Variants in ACYP2 observed in about 807,000 individuals in gnomAD.
ACYP2 encodes the protein acylphosphatase-2.
ACYP2 carries 12 observed loss-of-function variants against 11.2 expected under a neutral mutation model. The ratio of observed to expected loss-of-function variants is 1.08; its 90% CI spans 0.69 to 1.74. The LOEUF is 1.74. ACYP2 is among the 40% of genes most tolerant of loss of function. ACYP2 has a pLI of 0.00. For missense variants in ACYP2, 134 were observed against 101.9 expected (o/e 1.31, Z -1.35); for synonymous variants, 43 against 32.2 (o/e 1.33, Z -1.13).
chr2:54,255,705 G>A lies in ACYP2; in HGVS notation c.405-48983G>A, dbSNP rs61742696. The stretch of plus-strand genomic sequence containing the variant: ...ACATGGCACACTCCTCAGGCTTCAC[G>A]TCCTCGGCCTTCCCCTCTGCAATCA... On this transcript the variant is annotated intron_variant, in intron 6 of 6. Coordinates refer to ENST00000607452, the MANE Select transcript of ACYP2 (RefSeq NM_001320586.2). 2,389 of 1,613,818 alleles carry A rather than the reference G, an allele frequency of 1.5e-3. 30 individuals carry two copies. The African/African-American group carries it at 0.028, about 19-fold the overall frequency.
At chr2:54,063,079 A>G (rs1428115309) in intron 4 of ACYP2, among the ~76,000 whole-genome samples, 3 of 152,060 alleles carry the variant, frequency 2.0e-5, no homozygotes, top group East Asian at 1.9e-4. Flanking sequence ...GATAGACTCA[A>G]TCTCTGACCT....
chr2:54,167,080 C>G lies in ACYP2; in HGVS notation c.404+28332C>G, dbSNP rs558946122. 27 of 151,882 alleles carry G rather than the reference C, an allele frequency of 1.8e-4. No homozygotes were observed. In the Middle Eastern group the frequency reaches 0.014, roughly 77 times the overall value. 9.4% of individuals were successfully genotyped at this position (151,882 alleles called of 1,614,324 possible). On this transcript the variant is annotated intron_variant, in intron 6 of 6. Coordinates refer to ENST00000607452, the MANE Select transcript of ACYP2 (RefSeq NM_001320586.2). ...AAAGCTACTGGTAATCCATAGGACCCTTCCTCATGACGGCATCTATCGACC... is the reference window on the plus strand; with the variant it reads ...AAAGCTACTGGTAATCCATAGGACCGTTCCTCATGACGGCATCTATCGACC...
rs528067598 is a variant in ACYP2, at chr2:54,185,968, T to C, written c.404+47220T>C. On this transcript the variant is annotated intron_variant, in intron 6 of 6. Coordinates refer to ENST00000607452, the MANE Select transcript of ACYP2 (RefSeq NM_001320586.2). Reference sequence around the variant, plus strand: ...AAATATATGTATTATAAATATAATATTAAATATTTGAAATATAAAACACTG... The same window carrying C: ...AAATATATGTATTATAAATATAATACTAAATATTTGAAATATAAAACACTG... Among the ~76,000 whole-genome samples the C allele has an allele frequency of 1.9e-4, 29 of 151,776 alleles. No individual in the cohort carries two copies. The East Asian group carries it at 5.6e-3, about 29-fold the overall frequency.
intron 6 of ACYP2, among the ~76,000 whole-genome samples, chr2:54,168,137 TGTCCA>T (rs1458685481): frequency 6.6e-6 from 1 of 152,168 alleles, no homozygotes; most frequent in Non-Finnish European, 1.5e-5. Context: ...AAATCTGCTG[TGTCCA>T]GGCCAGGCAC....
At chr2:54,225,138 G>T (rs1466128051) in intron 6 of ACYP2, among the ~76,000 whole-genome samples, 1 of 152,192 alleles carries the variant, frequency 6.6e-6, no homozygotes, top group Non-Finnish European at 1.5e-5. Flanking sequence ...TGAGTGCCAT[G>T]TTAGTTACTA....
At position 54,195,794 on chromosome 2, in the gene ACYP2, GTTTTTT is replaced by G. The variant is rs1168917459; in HGVS notation, c.404+57062_404+57067del. On this transcript the variant is annotated intron_variant, in intron 6 of 6. Transcript: ENST00000607452. ...GTACATTGTCATCGTTTTGTTGTGG[GTTTTTT>G]TTTTTTTTTTTTTTTGAGACAGAGT... Among the ~76,000 whole-genome samples the G allele has an allele frequency of 9.0e-3, 748 of 83,184 alleles. 12 individuals are homozygous for G. The highest frequency in any genetic ancestry group is 0.035 in the African/African-American group (700 of 20,168). 54.6% of individuals were successfully genotyped at this position (83,184 alleles called of 152,430 possible).
rs577024551 is a variant in ACYP2 at position 54,256,816 on chromosome 2, G to GTTTGTTTTGTTTTGT, written c.405-47861_405-47847dup. Among the ~76,000 whole-genome samples, 456 of 151,236 alleles carry GTTTGTTTTGTTTTGT rather than the reference G, an allele frequency of 3.0e-3. 7 individuals carry two copies. The highest frequency in any genetic ancestry group is 3.1e-3 in the Non-Finnish European group (207 of 67,790). ...ACCACCATGCCCGGTTTTTTTGTTT[G>GTTTGTTTTGTTTTGT]TTTGTTTTGTTTTGTTTTGTTTTGT... On this transcript the variant is annotated intron_variant, in intron 6 of 6. Coordinates refer to ENST00000607452, the MANE Select transcript of ACYP2 (RefSeq NM_001320586.2).
intron 2 of ACYP2, among the ~76,000 whole-genome samples, chr2:53,995,025 CG>C (rs1378483551): frequency 6.6e-6 from 1 of 152,034 alleles, no homozygotes; most frequent in Non-Finnish European, 1.5e-5. Context: ...TCTGTTTTTG[CG>C]TCAGTGTCTC....
At chr2:54,003,884 T>C (rs1378192688) in intron 2 of ACYP2, among the ~76,000 whole-genome samples, 1 of 152,272 alleles carries the variant, frequency 6.6e-6, no homozygotes, top group Non-Finnish European at 1.5e-5. Context: ...TTGATCTAGC[T>C]CCTCGCTAGC....
intron 6 of ACYP2, among the ~76,000 whole-genome samples, chr2:54,192,522 T>C (rs919560974): frequency 6.6e-6 from 1 of 152,210 alleles, no homozygotes; most frequent in Non-Finnish European, 1.5e-5. Context: ...GTTTTATTGA[T>C]ATAAGTTTCT....
At chr2:54,207,173 A>ATG (rs58920943) in intron 6 of ACYP2, among the ~76,000 whole-genome samples, 10,835 of 138,670 alleles carry the variant, frequency 0.078, 481 homozygotes, top group African/African-American at 0.13. Flanking sequence ...CAACATGTAT[A>ATG]TGTGTGTGTG....
chr2:54,284,218 G>A (rs1211638108), intron 6 of ACYP2, among the ~76,000 whole-genome samples: 1 of 152,156 alleles, frequency 6.6e-6, no homozygotes, highest in Non-Finnish European at 1.5e-5. Context: ...ATGCTTGTAG[G>A]CCAAAGCAGG....
intron 4 of ACYP2, among the ~76,000 whole-genome samples, chr2:54,104,736 T>C (rs746470895): frequency 7.2e-5 from 11 of 152,370 alleles, no homozygotes; most frequent in Non-Finnish European, 1.5e-4. Flanking sequence ...ACAGTAGAAC[T>C]ACCTGAGAAG....
At chr2:54,157,070 T>TA (rs899663698) in intron 6 of ACYP2, among the ~76,000 whole-genome samples, 88 of 151,160 alleles carry the variant, frequency 5.8e-4, no homozygotes, top group African/African-American at 1.6e-3. Context: ...AAATGTGATT[T>TA]AAAAAAAAAA....
At chr2:54,210,813 T>G (rs1460287834) in intron 6 of ACYP2, among the ~76,000 whole-genome samples, 2 of 152,158 alleles carry the variant, frequency 1.3e-5, no homozygotes, top group African/African-American at 4.8e-5. Context: ...TCTTTAAAGC[T>G]CCATTACTTG....
chr2:54,224,588 GATCA>G (rs1318526893), intron 6 of ACYP2, among the ~76,000 whole-genome samples: 1 of 152,184 alleles, frequency 6.6e-6, no homozygotes, highest in Non-Finnish European at 1.5e-5. Context: ...GAAGGGTGGG[GATCA>G]ATCAAAGGAA....
intron 2 of ACYP2, among the ~76,000 whole-genome samples, chr2:54,047,997 A>C (rs1339060453): frequency 6.6e-6 from 1 of 152,194 alleles, no homozygotes; most frequent in Admixed American, 6.5e-5. Flanking sequence ...GTGAAGATCA[A>C]GTTGGTCTTC....
chr2:54,303,677 A>T (rs1435890563), intron 6 of ACYP2, among the ~76,000 whole-genome samples: 1 of 152,236 alleles, frequency 6.6e-6, no homozygotes, highest in African/African-American at 2.4e-5. Context: ...ATTTTCAGCT[A>T]ACCTAGAAAA....
intron 4 of ACYP2, among the ~76,000 whole-genome samples, chr2:54,060,095 T>C (rs1438424518): frequency 6.6e-6 from 1 of 152,258 alleles, no homozygotes; most frequent in Non-Finnish European, 1.5e-5. Flanking sequence ...ATTGTATGTC[T>C]AAATTGAATT....
Sources: allele counts gnomAD v4.1 joint callset (sites outside exome capture counted in the v4.1 genomes callset), GRCh38; gene constraint gnomAD v4.1.1; transcripts MANE v1.5; gene names NCBI Gene and HGNC (gene_info 2026-07-23, HGNC 2026-07-21).